Variants in GRM7 observed in about 807,000 individuals in gnomAD.
The protein encoded by GRM7 is glutamate metabotropic receptor 7.
In GRM7, 35 loss-of-function variants were observed where a neutral mutation model predicts 84.5. That is an observed-to-expected ratio of 0.41 (90% CI 0.32 to 0.55). The LOEUF is 0.55. GRM7 is among the 20% of genes least tolerant of loss of function. GRM7 has a pLI of 0.19. For missense variants in GRM7, 1,003 were observed against 1,194.6 expected, an observed-to-expected ratio of 0.84 and a Z score of 2.36; for synonymous variants, 487 against 455.1, an observed-to-expected ratio of 1.07 and a Z score of -0.89.
chr3:7,121,402 G>A (rs989543156), intron 1 of GRM7, among the ~76,000 whole-genome samples: 7 of 149,898 alleles, frequency 4.7e-5, no homozygotes, highest in South Asian at 2.1e-4. Context: ...ATTGTAAGGC[G>A]TTGTGTTTAT....
chr3:7,411,124 G>T (rs1359910939), intron 4 of GRM7, among the ~76,000 whole-genome samples: 1 of 152,050 alleles, frequency 6.6e-6, no homozygotes, highest in Non-Finnish European at 1.5e-5. Context: ...TATCTTATAA[G>T]GACTCTTGTC....
At chr3:7,658,141 T>C (rs1699282182) in intron 8 of GRM7, among the ~76,000 whole-genome samples, 1 of 152,210 alleles carries the variant, frequency 6.6e-6, no homozygotes, top group South Asian at 2.1e-4. Context: ...TGGGGATGTG[T>C]GTATACATCC....
intron 9 of GRM7, chr3:7,694,226 T>C (rs575104606): frequency 2.5e-4 from 38 of 152,698 alleles, no homozygotes; most frequent in South Asian, 1.5e-3. Context: ...TAGAACCTCA[T>C]ATGGTAGTAG....
At chr3:6,951,893 G>C (rs888644850) in intron 1 of GRM7, among the ~76,000 whole-genome samples, 1 of 152,112 alleles carries the variant, frequency 6.6e-6, no homozygotes, top group Non-Finnish European at 1.5e-5. Context: ...CCTAGAGATT[G>C]AGAACTATTA....
At chr3:6,975,045 G>A (rs1337386243) in intron 1 of GRM7, among the ~76,000 whole-genome samples, 1 of 152,184 alleles carries the variant, frequency 6.6e-6, no homozygotes, top group African/African-American at 2.4e-5. Context: ...AGCAAAGGGT[G>A]TGGGATAGAA....
intron 1 of GRM7, among the ~76,000 whole-genome samples, chr3:7,015,886 A>G (rs775370270): frequency 1.6e-4 from 24 of 152,170 alleles, no homozygotes; most frequent in Non-Finnish European, 2.5e-4. Flanking sequence ...TGTTACTCCT[A>G]CCTTACTGTG....
chr3:7,419,093 T>C (rs1355433117), intron 5 of GRM7, among the ~76,000 whole-genome samples: 1 of 152,128 alleles, frequency 6.6e-6, no homozygotes, highest in Non-Finnish European at 1.5e-5. Context: ...TCTTTTTGTC[T>C]GTGTCAGTCC....
At chr3:7,547,599 A>G (rs959731720) in intron 7 of GRM7, among the ~76,000 whole-genome samples, 11 of 152,172 alleles carry the variant, frequency 7.2e-5, no homozygotes, top group Admixed American at 2.0e-4. Flanking sequence ...CCCAGGTCCA[A>G]CACCTTATCA....
chr3:7,517,792 G>A (rs1700447395), intron 7 of GRM7, among the ~76,000 whole-genome samples: 1 of 152,174 alleles, frequency 6.6e-6, no homozygotes, highest in Non-Finnish European at 1.5e-5. Flanking sequence ...TCTTCATAAT[G>A]ATTCAATACA....
intron 8 of GRM7, among the ~76,000 whole-genome samples, chr3:7,589,553 G>A (rs1250066288): frequency 1.3e-5 from 2 of 152,136 alleles, no homozygotes; most frequent in Non-Finnish European, 2.9e-5. Context: ...CACAGTCCTT[G>A]GACTGAAATC....
chr3:6,920,065 C>CAATTGA (rs1466842219), intron 1 of GRM7, among the ~76,000 whole-genome samples: 3 of 152,034 alleles, frequency 2.0e-5, no homozygotes, highest in Non-Finnish European at 4.4e-5. Context: ...TTTGCTCTGC[C>CAATTGA]AATTGATTAA....
chr3:7,067,904 T>A (rs1697724877), intron 1 of GRM7, among the ~76,000 whole-genome samples: 2 of 151,970 alleles, frequency 1.3e-5, no homozygotes, highest in Non-Finnish European at 2.9e-5. Context: ...GCTGCACATA[T>A]AAATATATTA....
intron 5 of GRM7, among the ~76,000 whole-genome samples, chr3:7,415,839 A>G (rs1175690639): frequency 1.3e-5 from 2 of 152,116 alleles, no homozygotes; most frequent in Admixed American, 1.3e-4. Flanking sequence ...GGTGGAAGGA[A>G]TTTGACTTTA....
At chr3:7,480,169 C>T (rs1314543057) in intron 7 of GRM7, among the ~76,000 whole-genome samples, 1 of 152,142 alleles carries the variant, frequency 6.6e-6, no homozygotes, top group Non-Finnish European at 1.5e-5. Flanking sequence ...AAGAAAGATG[C>T]TCACAATTAT....
At chr3:6,950,843 G>A (rs994903729) in intron 1 of GRM7, among the ~76,000 whole-genome samples, 1 of 152,242 alleles carries the variant, frequency 6.6e-6, no homozygotes, top group Non-Finnish European at 1.5e-5. Context: ...ATGGGCGTAG[G>A]ACCCTCTGAG....
rs188321043 is a variant in GRM7, at chr3:7,029,939, G to A, written c.520-116513G>A. On this transcript the variant is annotated intron_variant, in intron 1 of 9. Coordinates refer to ENST00000357716, the MANE Select transcript of GRM7 (RefSeq NM_000844.4). ...ATCTAAGCATTCATTCCACTTCTAG[G>A]TTTTTATCCTAGAGAAAAGAAAGTA... 8.6e-3 allele frequency among the ~76,000 whole-genome samples: 1,311 copies of A among 152,158 alleles called. 11 individuals carry two copies. The highest frequency in any genetic ancestry group is 0.014 in the Non-Finnish European group (984 of 68,008).
intron 7 of GRM7, among the ~76,000 whole-genome samples, chr3:7,530,149 G>A (rs1288617021): frequency 1.5e-5 from 2 of 135,520 alleles, no homozygotes; most frequent in African/African-American, 5.5e-5. Flanking sequence ...GTGTCCATGT[G>A]TTCTCATTGT....
intron 4 of GRM7, among the ~76,000 whole-genome samples, chr3:7,352,241 C>T (rs1693194178): frequency 6.6e-6 from 1 of 152,048 alleles, no homozygotes; most frequent in Admixed American, 6.6e-5. Flanking sequence ...ATGTTATGAA[C>T]TCTTTATAGA....
At chr3:7,621,932 G>A (rs1697378955) in intron 8 of GRM7, among the ~76,000 whole-genome samples, 1 of 152,122 alleles carries the variant, frequency 6.6e-6, no homozygotes, top group Non-Finnish European at 1.5e-5. Context: ...AGATGGGATT[G>A]TTAAATTCTA....
Sources: allele counts gnomAD v4.1 joint callset (sites outside exome capture counted in the v4.1 genomes callset), GRCh38; gene constraint gnomAD v4.1.1; transcripts MANE v1.5; gene names NCBI Gene and HGNC (gene_info 2026-07-23, HGNC 2026-07-21).